The following LIMK1 variants were observed in gnomAD, a reference collection of about 807,000 sequenced individuals.
The protein encoded by LIMK1 is LIM motif-containing protein kinase.
In LIMK1, 21 loss-of-function variants were observed where a neutral mutation model predicts 77.6. That is an observed-to-expected ratio of 0.27 (90% confidence interval 0.19 to 0.39). The LOEUF (loss-of-function observed/expected upper bound fraction) is 0.39. Among genes scored for constraint, LIMK1 ranks in the 10% least tolerant of loss-of-function variants. The probability of loss-of-function intolerance (pLI) is 1.00; values close to 1 mark genes in which losing one functional copy is unlikely to be tolerated. For missense variants in LIMK1, 696 were observed against 901.6 expected (o/e 0.77, Z 2.92); for synonymous variants, 358 against 370.0 (o/e 0.97, Z 0.37).
At chr7:74,090,945 G>T in intron 2 of LIMK1, among the ~76,000 whole-genome samples, 1 of 151,866 alleles carries the variant, frequency 6.6e-6, no homozygotes, top group South Asian at 2.1e-4. Flanking sequence ...TTTGAGTCTC[G>T]CTCTGTCGCC....
At chr7:74,119,323 C>T (rs988396900) in intron 13 of LIMK1, among the ~76,000 whole-genome samples, 3 of 151,644 alleles carry the variant, frequency 2.0e-5, no homozygotes, top group African/African-American at 4.8e-5. Flanking sequence ...GGATTACAGG[C>T]ACCTGCCACC....
In LIMK1 at chr7:74,120,873, C is replaced by T. The variant is rs141741644; in HGVS notation, c.1624-19C>T. On this transcript the variant is annotated intron_variant, in intron 14 of 15. Transcript: ENST00000336180. ...GCTGAGGGCCCCCTGGAGTAACTGC[C>T]GGGCCTTGTACTGGACAGATCATCG... The T allele has an allele frequency of 3.7e-5, 59 of 1,613,952 alleles. No homozygotes were observed. In the Admixed American group the frequency reaches 3.8e-4, roughly 10 times the overall value.
rs1554700418 is a variant in LIMK1 at position 74,120,880 on chromosome 7, T to C, written c.1624-12T>C. The stretch of plus-strand genomic sequence containing the variant: ...GCCCCCTGGAGTAACTGCCGGGCCT[T>C]GTACTGGACAGATCATCGGGCGGGT... On this transcript the variant is annotated splice_polypyrimidine_tract_variant and intron_variant, in intron 14 of 15. Coordinates refer to ENST00000336180, the MANE Select transcript of LIMK1 (RefSeq NM_002314.4). 1 of 1,614,004 alleles carries C rather than the reference T, an allele frequency of 6.2e-7. No individual in the cohort carries two copies. The highest frequency in any genetic ancestry group is 8.5e-7 in the Non-Finnish European group (1 of 1,179,976).
chr7:74,097,805 T>C (rs1554695910), intron 4 of LIMK1, among the ~76,000 whole-genome samples: 1 of 152,188 alleles, frequency 6.6e-6, no homozygotes, highest in African/African-American at 2.4e-5. Context: ...GCTCCCTCTT[T>C]AGACACCAGC....
chr7:74,084,794 G>T (rs979171188), intron 1 of LIMK1, among the ~76,000 whole-genome samples: 1 of 152,072 alleles, frequency 6.6e-6, no homozygotes, highest in Non-Finnish European at 1.5e-5. Context: ...GGGTCTGGGG[G>T]CCCCTCCTTG....
At chr7:74,097,866 A>G (rs569220887) in intron 4 of LIMK1, among the ~76,000 whole-genome samples, 7 of 152,334 alleles carry the variant, frequency 4.6e-5, no homozygotes, top group African/African-American at 1.7e-4. Context: ...GACTGGCTAC[A>G]AATTCAGGGA....
chr7:74,092,003 G>T (rs1554694855), intron 2 of LIMK1, among the ~76,000 whole-genome samples: 11 of 97,206 alleles, frequency 1.1e-4, no homozygotes, highest in African/African-American at 1.2e-4. Context: ...TCTCGCTTTT[G>T]TTGCCCAGGC....
rs952121095 is a variant in LIMK1, at chr7:74,121,445, C to T, written c.*144C>T. ...GGCCCTGACTTGCCTTCTCCCACCC[C>T]GTGGACCGCTTCCCCTGCCTTCTCT... is the stretch of plus-strand genomic sequence containing the variant. On this transcript the variant is annotated 3_prime_UTR_variant, in exon 16 of 16. Coordinates refer to ENST00000336180, the MANE Select transcript of LIMK1 (RefSeq NM_002314.4). 26 of 806,326 alleles carry T rather than the reference C, an allele frequency of 3.2e-5. No homozygotes were observed. In the Admixed American group the frequency reaches 6.5e-4, roughly 20 times the overall value. The allele number at this position is 806,326 out of a possible 1,614,324, so 49.9% of individuals were successfully genotyped here. A position where few individuals can be genotyped will look rare whatever the true frequency, so the allele number is the denominator to read the frequency against.
intron 2 of LIMK1, chr7:74,093,096 CG>C: frequency 7.1e-7 from 1 of 1,402,896 alleles, no homozygotes. Context: ...CTGGCACCCA[CG>C]CGGCTGCAGC....
chr7:74,110,026 A>G (rs1215021090), intron 10 of LIMK1: 1 of 152,192 alleles, frequency 6.6e-6, no homozygotes, highest in East Asian at 1.9e-4. Context: ...ACTTGACACA[A>G]CGGGTTCCGT....
intron 13 of LIMK1, among the ~76,000 whole-genome samples, chr7:74,119,118 C>T (rs1423377842): frequency 1.3e-5 from 2 of 151,288 alleles, no homozygotes; most frequent in African/African-American, 4.9e-5. Context: ...CTCCTGACCT[C>T]GTGATCCACC....
rs782211546 is a variant in LIMK1 at position 74,106,130 on chromosome 7, T to C, written c.768T>C (p.His256=). Residue 256 remains histidine, a synonymous_variant, in exon 7 of 16, where the codon CAT becomes CAC. Coordinates refer to ENST00000336180, the MANE Select transcript of LIMK1 (RefSeq NM_002314.4). The part of the protein sequence containing the change: ...TSRLLQLTLE[H]DPHDTLGHGL... ...GCCTGCTCCAGCTGACCCTCGAGCATGACCCTCACGATACACTGGGCCACG... is the reference window on the plus strand; with the variant it reads ...GCCTGCTCCAGCTGACCCTCGAGCACGACCCTCACGATACACTGGGCCACG... 6.2e-7 allele frequency: 1 copy of C among 1,614,088 alleles called. No homozygotes were observed. Among genetic ancestry groups the C allele is most frequent in the Admixed American group, 1.7e-5 (1 of 60,018 alleles).
intron 13 of LIMK1, among the ~76,000 whole-genome samples, chr7:74,116,710 TTTTC>T (rs1554699550): frequency 6.6e-6 from 1 of 150,900 alleles, no homozygotes. Flanking sequence ...CTCCTTTTTT[TTTTC>T]TTTTTTAAAG....
chr7:74,085,945 C>A, intron 2 of LIMK1, 101 bp downstream of exon 2: 1 of 829,388 alleles, frequency 1.2e-6, no homozygotes, highest in Non-Finnish European at 2.0e-6. Context: ...CCTCCTGGTG[C>A]CGTCCCCTAT....
intron 1 of LIMK1, 128 bp downstream of exon 1, chr7:74,084,173 G>A (rs1163565784): frequency 2.8e-6 from 1 of 353,010 alleles, no homozygotes; most frequent in Non-Finnish European, 5.3e-6. Context: ...TCGTCCTTAC[G>A]AAGCCCGCAG....
chr7:74,111,629 C>T lies in LIMK1; in HGVS notation c.1285-19C>T. The T allele has an allele frequency of 6.2e-7, 1 of 1,609,046 alleles. No homozygotes were observed. The highest frequency in any genetic ancestry group is 8.5e-7 in the Non-Finnish European group (1 of 1,177,604). On this transcript the variant is annotated intron_variant, in intron 10 of 15. Coordinates refer to ENST00000336180, the MANE Select transcript of LIMK1 (RefSeq NM_002314.4). Reference sequence around the variant, plus strand: ...GGGCCCCCACCGGCCCCACCCTGGCCATTCTTTCTCCATCCCAGGACAGCC... The same window carrying T: ...GGGCCCCCACCGGCCCCACCCTGGCTATTCTTTCTCCATCCCAGGACAGCC...
chr7:74,098,311 A>G (rs1483627059), intron 4 of LIMK1, among the ~76,000 whole-genome samples: 2 of 152,200 alleles, frequency 1.3e-5, no homozygotes, highest in Admixed American at 6.6e-5. Context: ...CCCTCCCAGG[A>G]ATCAGGACAA....
At chr7:74,087,541 A>G (rs1350452408) in intron 2 of LIMK1, among the ~76,000 whole-genome samples, 1 of 152,208 alleles carries the variant, frequency 6.6e-6, no homozygotes, top group Admixed American at 6.6e-5. Context: ...AGCAGGGGTC[A>G]AGACATCCAC....
At position 74,120,491 on chromosome 7, in the gene LIMK1, G is replaced by A. The variant is rs188293456; in HGVS notation, c.1568-92G>A. 1,132 of 1,400,828 alleles carry A rather than the reference G, an allele frequency of 8.1e-4. 13 individuals are homozygous for A. The African/African-American group carries it at 0.014, about 18-fold the overall frequency. 86.8% of individuals were successfully genotyped at this position (1,400,828 alleles called of 1,614,324 possible). On this transcript the variant is annotated intron_variant, in intron 13 of 15. Transcript: ENST00000336180. The stretch of plus-strand genomic sequence containing the variant: ...CCTCCTGGGCCTGGACCTCCCGGCC[G>A]GGGCATCCTCCCAGCTGGCCTGGTC...
Sources: gnomAD v4.1 joint callset for allele counts (sites outside exome capture counted in the v4.1 genomes callset) on GRCh38, gnomAD v4.1.1 for gene constraint, MANE v1.5 for transcripts, NCBI Gene and HGNC (gene_info 2026-07-23, HGNC 2026-07-21) for gene names.